TMEM154: variants seen among roughly 807,000 people sequenced by gnomAD.
TMEM154 encodes transmembrane protein 154.
TMEM154 carries 27 observed loss-of-function variants against 24.5 expected under a neutral mutation model. The observed-to-expected ratio is 1.10, with a 90% confidence interval of 0.81 to 1.52. TMEM154 has a LOEUF of 1.52. Among genes scored for constraint, TMEM154 ranks in the 40% most tolerant of loss-of-function variants. The pLI, the probability that TMEM154 is intolerant of heterozygous loss-of-function variation, is 0.00. For missense variants in TMEM154, 228 were observed against 213.4 expected (o/e 1.07, Z -0.43); for synonymous variants, 67 against 76.8 (o/e 0.87, Z 0.67).
At chr4:152,676,027 CAT>C (rs1728946913) in intron 1 of TMEM154, among the ~76,000 whole-genome samples, 1 of 152,212 alleles carries the variant, frequency 6.6e-6, no homozygotes, top group African/African-American at 2.4e-5. Flanking sequence ...GACTGCCTGA[CAT>C]AAGGCTGTTC....
rs747613909 is a variant in TMEM154 at position 152,628,565 on chromosome 4, T to TAAAAAAAA, written c.537-12_537-5dup. On this transcript the variant is annotated splice_region_variant and splice_polypyrimidine_tract_variant and intron_variant, in intron 6 of 6. Coordinates refer to ENST00000304385, the MANE Select transcript of TMEM154 (RefSeq NM_152680.3). ...TCAGGTTTAGGATTCACTGTCACTG[T>TAAAAAAAA]AAAAAAAAAAAAAAAAAAAAAAAAA... 9.3e-5 allele frequency: 48 copies of TAAAAAAAA among 518,568 alleles called. 6 individuals are homozygous for TAAAAAAAA. The highest frequency in any genetic ancestry group is 4.2e-4 in the South Asian group (14 of 33,288). 32.1% of individuals were successfully genotyped at this position (518,568 alleles called of 1,614,324 possible). A position where few individuals can be genotyped will look rare whatever the true frequency, so the allele number is the denominator to read the frequency against.
rs2149780975 is a variant in TMEM154 at position 152,643,181 on chromosome 4, T to G, written c.393-8A>C. On this transcript the variant is annotated splice_polypyrimidine_tract_variant and splice_region_variant and intron_variant, in intron 4 of 6. Coordinates refer to ENST00000304385, the MANE Select transcript of TMEM154 (RefSeq NM_152680.3). The stretch of plus-strand genomic sequence containing the variant: ...TCTTCCTCAAAAATAGGGCTAGAAA[T>G]AGAGAGCAAAAGACTTGTTAGAAAG... 1 of 1,589,238 alleles carries G rather than the reference T, an allele frequency of 6.3e-7. No homozygotes were observed. The highest frequency in any genetic ancestry group is 2.2e-5 in the East Asian group (1 of 44,710).
intron 1 of TMEM154, among the ~76,000 whole-genome samples, chr4:152,675,382 C>G (rs986051098): frequency 2.0e-5 from 3 of 152,160 alleles, no homozygotes; most frequent in Non-Finnish European, 4.4e-5. Flanking sequence ...AATCTTAGCA[C>G]TTTGGGAGGC....
At chr4:152,667,494 T>C (rs894473454) in intron 1 of TMEM154, among the ~76,000 whole-genome samples, 2 of 152,238 alleles carry the variant, frequency 1.3e-5, no homozygotes, top group Admixed American at 6.5e-5. Context: ...GACTTGATTC[T>C]CTCTGGGAGC....
intron 6 of TMEM154, among the ~76,000 whole-genome samples, chr4:152,631,471 T>A (rs1752042812): frequency 6.6e-6 from 1 of 152,234 alleles, no homozygotes. Flanking sequence ...TCTTGCCATG[T>A]CACCCAGGCT....
At chr4:152,647,187 A>T (rs12641337) in intron 3 of TMEM154, 604,905 of 976,368 alleles carry the variant, frequency 0.62, 189,442 homozygotes, top group African/African-American at 0.76. Flanking sequence ...GCTCTACCCA[A>T]GTGCAGTAAG....
At chr4:152,664,674 A>G (rs1015903229) in intron 1 of TMEM154, among the ~76,000 whole-genome samples, 1 of 152,246 alleles carries the variant, frequency 6.6e-6, no homozygotes, top group Non-Finnish European at 1.5e-5. Flanking sequence ...CAATGACAAG[A>G]GAATGCTACT....
At chr4:152,649,574 G>A (rs75862076) in intron 3 of TMEM154, among the ~76,000 whole-genome samples, 7,288 of 152,286 alleles carry the variant, frequency 0.048, 210 homozygotes, top group East Asian at 0.073. Flanking sequence ...TGGGATGTGG[G>A]GTGGGGGAGA....
intron 3 of TMEM154, chr4:152,647,418 G>C (rs996861805): frequency 7.9e-6 from 6 of 756,080 alleles, no homozygotes; most frequent in African/African-American, 3.8e-5. Context: ...CATCTGTTAA[G>C]CAGTTAGTGA....
intron 1 of TMEM154, chr4:152,668,549 G>A (rs1185464694): frequency 6.6e-6 from 1 of 152,176 alleles, no homozygotes; most frequent in East Asian, 1.9e-4. Context: ...GCTCTTTCAT[G>A]GGGTACATGC....
intron 5 of TMEM154, chr4:152,641,335 C>T (rs553642669): frequency 2.8e-4 from 58 of 205,632 alleles, no homozygotes; most frequent in African/African-American, 1.3e-3. Context: ...GAGGTTCCAA[C>T]GTGTCTGCAG....
At chr4:152,670,792 C>G (rs957528014) in intron 1 of TMEM154, among the ~76,000 whole-genome samples, 3 of 152,008 alleles carry the variant, frequency 2.0e-5, no homozygotes, top group Non-Finnish European at 4.4e-5. Flanking sequence ...TGATAAATTT[C>G]ATGTTTATGC....
chr4:152,636,477 G>A (rs770621782), intron 6 of TMEM154, among the ~76,000 whole-genome samples: 3 of 152,188 alleles, frequency 2.0e-5, no homozygotes, highest in Non-Finnish European at 4.4e-5. Flanking sequence ...AAACCATAGT[G>A]TCCACTTCTC....
rs762070331 is a variant in TMEM154, at chr4:152,642,009, G to A, written c.479-1024C>T. On this transcript the variant is annotated intron_variant, in intron 5 of 6. Transcript: ENST00000304385. ...ACAATCTCGGCTCACTGCAACCTCC[G>A]CCTCCTGGGTTCAAGCTATTCTCCT... Among the ~76,000 whole-genome samples the A allele has an allele frequency of 6.3e-5, 8 of 127,432 alleles. No individual in the cohort carries two copies. In the East Asian group the frequency reaches 7.9e-4, roughly 13 times the overall value. 83.6% of individuals were successfully genotyped at this position (127,432 alleles called of 152,430 possible).
At chr4:152,650,809 G>T (rs1728363596) in intron 3 of TMEM154, among the ~76,000 whole-genome samples, 1 of 152,176 alleles carries the variant, frequency 6.6e-6, no homozygotes, top group African/African-American at 2.4e-5. Context: ...GTATCAGCAG[G>T]CATGAAAACG....
chr4:152,647,238 T>C, intron 3 of TMEM154: 2 of 985,188 alleles, frequency 2.0e-6, no homozygotes, highest in South Asian at 9.4e-5. Flanking sequence ...GGACATAGTG[T>C]GCAGGTGTCC....
intron 3 of TMEM154, chr4:152,646,862 T>C (rs1728254728): frequency 1.5e-6 from 1 of 681,694 alleles, no homozygotes; most frequent in Non-Finnish European, 2.7e-6. Context: ...TTCCAGAAGA[T>C]TTACTGAGTA....
intron 6 of TMEM154, among the ~76,000 whole-genome samples, chr4:152,636,775 A>G (rs932976860): frequency 1.3e-5 from 2 of 152,240 alleles, no homozygotes; most frequent in South Asian, 2.1e-4. Context: ...GACTTAATAG[A>G]TAACAGAGGT....
rs762842799 is a variant in TMEM154, at chr4:152,679,910, T to A, written c.24A>T (p.Leu8=). 1 of 1,610,880 alleles carries A rather than the reference T, an allele frequency of 6.2e-7. No homozygotes were observed. Among genetic ancestry groups the A allele is most frequent in the African/African-American group, 1.3e-5 (1 of 74,916 alleles). The change falls in exon 1 of 7, where the codon CTA becomes CTT. Residue 8 remains leucine, a synonymous_variant. Transcript: ENST00000304385. ...CGAGCGCGATCACCAGGGCGAAGAC[T>A]AGGGCTGCGCGGGGAGCCTGCATGT... MQAPRAA[L]VFALVIALVP...
Sources: gnomAD v4.1 joint callset for allele counts (sites outside exome capture counted in the v4.1 genomes callset) on GRCh38, gnomAD v4.1.1 for gene constraint, MANE v1.5 for transcripts, NCBI Gene and HGNC (gene_info 2026-07-23, HGNC 2026-07-21) for gene names.